The following GOLM1 variants were observed in gnomAD, a reference collection of about 807,000 sequenced individuals.
GOLM1 encodes epididymis luminal protein 46.
Under a neutral mutation model 50.5 loss-of-function variants are expected in GOLM1, and 31 were observed. That is an observed-to-expected ratio of 0.61 (90% CI 0.46 to 0.83). The LOEUF (loss-of-function observed/expected upper bound fraction) is 0.83. Among genes scored for constraint, GOLM1 ranks in the 40% least tolerant of loss-of-function variants. The pLI is 0.00. For synonymous variants in GOLM1, 178 were observed against 192.8 expected (o/e 0.92, Z 0.64); for missense variants, 491 against 501.3 (o/e 0.98, Z 0.20).
At chr9:86,039,967 CAAAAA>C (rs202123864) in intron 6 of GOLM1, among the ~76,000 whole-genome samples, 8 of 72,368 alleles carry the variant, frequency 1.1e-4, no homozygotes, top group African/African-American at 3.4e-4. Flanking sequence ...GATGCCCTCT[CAAAAA>C]AAAAAAAAAA....
chr9:86,076,454 A>AG (rs1563964758), intron 3 of GOLM1, among the ~76,000 whole-genome samples: 6 of 136,662 alleles, frequency 4.4e-5, no homozygotes, highest in Non-Finnish European at 3.1e-5. Flanking sequence ...AAAAAAAAAA[A>AG]GCCAAATTTT....
intron 1 of GOLM1, chr9:86,079,779 C>T (rs1016146074): frequency 2.6e-5 from 4 of 153,798 alleles, no homozygotes; most frequent in South Asian, 2.1e-4. Context: ...TAAGTGCTTC[C>T]GCATCATATT....
chr9:86,060,889 A>ATC (rs1834137624), intron 3 of GOLM1, among the ~76,000 whole-genome samples: 2 of 75,682 alleles, frequency 2.6e-5, no homozygotes, highest in African/African-American at 2.3e-4. Flanking sequence ...AAAAAAAAAA[A>ATC]AAAAAAAAAA....
chr9:86,056,905 ATCC>A (rs1834011018), intron 3 of GOLM1, among the ~76,000 whole-genome samples: 1 of 152,212 alleles, frequency 6.6e-6, no homozygotes, highest in Admixed American at 6.5e-5. Flanking sequence ...TCCTCAAGTA[ATCC>A]TCCTGCCTCA....
chr9:86,096,138 C>T (rs1022465906), intron 1 of GOLM1, among the ~76,000 whole-genome samples: 4 of 149,568 alleles, frequency 2.7e-5, no homozygotes, highest in Admixed American at 2.0e-4. Flanking sequence ...AAAATTACAG[C>T]GGCAATAAAG....
At chr9:86,069,423 C>G (rs1834388998) in intron 3 of GOLM1, among the ~76,000 whole-genome samples, 1 of 152,186 alleles carries the variant, frequency 6.6e-6, no homozygotes, top group Non-Finnish European at 1.5e-5. Flanking sequence ...CTTCACCACA[C>G]CTACTACTGC....
chr9:86,045,303 A>G (rs1007776670), intron 5 of GOLM1, among the ~76,000 whole-genome samples: 2 of 151,688 alleles, frequency 1.3e-5, no homozygotes, highest in African/African-American at 4.8e-5. Context: ...GTGAGCTGAG[A>G]TTGCACCGCT....
In GOLM1 at chr9:86,026,973, C is replaced by T; in HGVS notation, c.*844G>A. 5.1e-6 allele frequency: 5 copies of T among 985,344 alleles called. No homozygotes were observed. The highest frequency in any genetic ancestry group is 9.4e-5 in the South Asian group (2 of 21,282). 61.0% of individuals were successfully genotyped at this position (985,344 alleles called of 1,614,324 possible). On this transcript the variant is annotated 3_prime_UTR_variant, in exon 10 of 10. Coordinates refer to ENST00000388712, the MANE Select transcript of GOLM1 (RefSeq NM_016548.4). ...ACAGATCTGTCCACAACAAACTTGCCCTCTCATGCCTTGCCTCTCACCATG... is the reference window on the plus strand; with the variant it reads ...ACAGATCTGTCCACAACAAACTTGCTCTCTCATGCCTTGCCTCTCACCATG...
In GOLM1 at chr9:86,079,383, TATC is replaced by T. The variant is rs569384717; in HGVS notation, c.-21-45_-21-43del. 131 of 1,467,890 alleles carry T rather than the reference TATC, an allele frequency of 8.9e-5. No homozygotes were observed. The African/African-American group carries it at 1.3e-3, about 14-fold the overall frequency. 90.9% of individuals were successfully genotyped at this position (1,467,890 alleles called of 1,614,324 possible). On this transcript the variant is annotated intron_variant, in intron 1 of 9. Transcript: ENST00000388712. ...AATAAATAAACATCAATACTAGTTT[TATC>T]ATCTCCGAAGCAGACCGTATCATCC...
At chr9:86,035,889 A>AAAAAAAAAAAAAAAC (rs1564340981) in intron 7 of GOLM1, among the ~76,000 whole-genome samples, 2 of 150,282 alleles carry the variant, frequency 1.3e-5, no homozygotes, top group African/African-American at 4.9e-5. Context: ...AAAACAAAAA[A>AAAAAAAAAAAAAAAC]AAAAAAACAC....
chr9:86,081,123 A>G (rs1834768624), intron 1 of GOLM1, among the ~76,000 whole-genome samples: 1 of 151,728 alleles, frequency 6.6e-6, no homozygotes, highest in Non-Finnish European at 1.5e-5. Context: ...CCTGACCTCA[A>G]GTGATCCTCC....
At chr9:86,076,206 G>A (rs902117761) in intron 3 of GOLM1, among the ~76,000 whole-genome samples, 21 of 151,482 alleles carry the variant, frequency 1.4e-4, no homozygotes, top group Non-Finnish European at 2.9e-5. Flanking sequence ...ATCACCTGAG[G>A]TCAGGAGTTC....
intron 5 of GOLM1, among the ~76,000 whole-genome samples, chr9:86,043,343 G>A (rs1833423289): frequency 6.6e-6 from 1 of 152,158 alleles, no homozygotes; most frequent in Non-Finnish European, 1.5e-5. Flanking sequence ...ACACTACCTT[G>A]TACATCAGGA....
chr9:86,081,290 G>A (rs1470764948), intron 1 of GOLM1, among the ~76,000 whole-genome samples: 5 of 150,668 alleles, frequency 3.3e-5, no homozygotes, highest in Admixed American at 1.3e-4. Flanking sequence ...TCTGCCTCCC[G>A]GGTTAAAGCG....
chr9:86,049,307 T>C (rs1406621839), intron 4 of GOLM1, among the ~76,000 whole-genome samples: 1 of 152,252 alleles, frequency 6.6e-6, no homozygotes, highest in Non-Finnish European at 1.5e-5. Context: ...CGTAGCGTAA[T>C]GCCTCCAGCT....
chr9:86,081,024 TAC>T (rs1174186627), intron 1 of GOLM1, among the ~76,000 whole-genome samples: 1 of 152,128 alleles, frequency 6.6e-6, no homozygotes, highest in Non-Finnish European at 1.5e-5. Flanking sequence ...TAGCTGGGAC[TAC>T]AGACATGGGC....
At chr9:86,030,385 AAATG>A (rs1408834672) in intron 9 of GOLM1, among the ~76,000 whole-genome samples, 1 of 152,194 alleles carries the variant, frequency 6.6e-6, no homozygotes, top group African/African-American at 2.4e-5. Context: ...AAAATTGCCT[AAATG>A]AAGACAGCTG....
At chr9:86,084,623 T>C (rs1216328388) in intron 1 of GOLM1, among the ~76,000 whole-genome samples, 2 of 152,224 alleles carry the variant, frequency 1.3e-5, no homozygotes, top group African/African-American at 2.4e-5. Context: ...ATATGTACTA[T>C]TTTCCAACCC....
chr9:86,083,593 G>A (rs1487168268), intron 1 of GOLM1, among the ~76,000 whole-genome samples: 1 of 152,148 alleles, frequency 6.6e-6, no homozygotes, highest in East Asian at 1.9e-4. Context: ...TCACTATGTT[G>A]GCCAGGCTGG....
Sources: gnomAD v4.1 joint callset for allele counts (sites outside exome capture counted in the v4.1 genomes callset) on GRCh38, gnomAD v4.1.1 for gene constraint, MANE v1.5 for transcripts, NCBI Gene and HGNC (gene_info 2026-07-23, HGNC 2026-07-21) for gene names.